The following BCAS3 variants were observed in gnomAD, a reference collection of about 807,000 sequenced individuals.
BCAS3 encodes the protein BCAS3 microtubule associated cell migration factor.
BCAS3 carries 53 observed loss-of-function variants against 116.1 expected under a neutral mutation model. The ratio of observed to expected loss-of-function variants is 0.46; its 90% CI spans 0.37 to 0.57. BCAS3 has a LOEUF of 0.57. BCAS3 is among the 20% of genes least tolerant of loss of function. BCAS3 has a pLI of 0.00. For missense variants in BCAS3, 917 were observed against 1,165.4 expected (o/e 0.79, Z 3.10); for synonymous variants, 391 against 408.2 (o/e 0.96, Z 0.51).
intron 22 of BCAS3, among the ~76,000 whole-genome samples, chr17:61,112,951 C>G (rs914556414): frequency 2.8e-5 from 4 of 141,580 alleles, no homozygotes; most frequent in African/African-American, 1.0e-4. Flanking sequence ...AACCGCTCAA[C>G]TACATGGAAA....
intron 20 of BCAS3, among the ~76,000 whole-genome samples, chr17:61,078,032 T>A (rs1342791394): frequency 6.6e-6 from 1 of 152,186 alleles, no homozygotes; most frequent in Non-Finnish European, 1.5e-5. Flanking sequence ...CAACTGGTCC[T>A]TTTACTTTCA....
rs984818174 is a variant in BCAS3, at chr17:60,933,966, C to T, written c.1087+9466C>T. Among the ~76,000 whole-genome samples, 18 of 152,086 alleles carry T rather than the reference C, an allele frequency of 1.2e-4. 1 individual carries two copies. The highest frequency in any genetic ancestry group is 4.3e-4 in the African/African-American group (18 of 41,418). On this transcript the variant is annotated intron_variant, in intron 13 of 23. Coordinates refer to ENST00000407086, the MANE Select transcript of BCAS3 (RefSeq NM_017679.5). ...GGATTTACTCTCTGAAGAATTAGTT[C>T]TGTTTGCTCTCTGTTCATTGTGGCA...
chr17:60,781,877 C>T (rs1719453685), intron 6 of BCAS3, among the ~76,000 whole-genome samples: 3 of 151,942 alleles, frequency 2.0e-5, no homozygotes, highest in Admixed American at 1.3e-4. Flanking sequence ...GGAGACTTAC[C>T]AAGCTTTCTG....
At chr17:61,094,091 G>A (rs571487598) in intron 22 of BCAS3, among the ~76,000 whole-genome samples, 5 of 152,316 alleles carry the variant, frequency 3.3e-5, no homozygotes, top group Non-Finnish European at 5.9e-5. Context: ...CTGGTGGCCT[G>A]TTATCATAGT....
chr17:61,074,922 G>T lies in BCAS3; in HGVS notation c.2032G>T (p.Val678Phe), dbSNP rs2071814453. The T allele has an allele frequency of 6.2e-7, 1 of 1,608,418 alleles. No individual in the cohort carries two copies. The highest frequency in any genetic ancestry group is 1.3e-5 in the African/African-American group (1 of 74,870). The change falls in exon 20 of 24, where the codon GTT becomes TTT. Residue 678 changes from valine to phenylalanine, a missense_variant and splice_region_variant. Coordinates refer to ENST00000407086, the MANE Select transcript of BCAS3 (RefSeq NM_017679.5). ...QYYQFLLAGLVPPGSPGPITR... is the reference protein window; with the variant it reads ...QYYQFLLAGLFPPGSPGPITR... ...AATCTATTTTCTTTCTCCTATAGTG[G>T]TTCCCCCTGGAAGTCCTGGGCCCAT...
chr17:60,966,070 ATTG>A (rs796427680), intron 14 of BCAS3, among the ~76,000 whole-genome samples: 6 of 152,222 alleles, frequency 3.9e-5, no homozygotes, highest in African/African-American at 1.4e-4. Context: ...CCCCTTTATC[ATTG>A]TATAGTGTCC....
rs375874804 is a variant in BCAS3 at position 61,088,107 on chromosome 17, G to A, written c.2425+3543G>A. On this transcript the variant is annotated intron_variant, in intron 22 of 23. Transcript: ENST00000407086. This position sits in a 1 kb window ranked among gnomAD's most constrained non-coding sequence, Gnocchi z 4.2. ...TGAGGCACAAGAATTGCTTGAACCC[G>A]GGAGGCAGAGGTTGCAGTGAGCTGA... 4.6e-5 allele frequency among the ~76,000 whole-genome samples: 7 copies of A among 152,118 alleles called. No individual in the cohort carries two copies. Among genetic ancestry groups the A allele is most frequent in the South Asian group, 2.1e-4 (1 of 4,830 alleles).
At chr17:60,767,699 G>T (rs1326684740) in intron 6 of BCAS3, among the ~76,000 whole-genome samples, 1 of 151,978 alleles carries the variant, frequency 6.6e-6, no homozygotes, top group Admixed American at 6.6e-5. Context: ...TTTTCCTTTG[G>T]AGCTTTCTTA....
intron 22 of BCAS3, among the ~76,000 whole-genome samples, chr17:61,238,413 G>C (rs2083234954): frequency 1.3e-5 from 2 of 151,838 alleles, no homozygotes; most frequent in South Asian, 4.2e-4. Flanking sequence ...AGTAGAGATG[G>C]GGTTTCACCA....
chr17:61,081,544 T>C (rs1186438027), intron 21 of BCAS3, among the ~76,000 whole-genome samples: 2 of 152,248 alleles, frequency 1.3e-5, no homozygotes, highest in Non-Finnish European at 1.5e-5. Flanking sequence ...AGGACACATA[T>C]AACCTTTAGA....
chr17:61,299,399 C>A (rs748604213), intron 22 of BCAS3, among the ~76,000 whole-genome samples: 68 of 132,226 alleles, frequency 5.1e-4, no homozygotes, highest in Non-Finnish European at 8.1e-4. Flanking sequence ...GCTGAGGTTG[C>A]ACCATTGCAC....
At position 60,874,651 on chromosome 17, in the gene BCAS3, T is replaced by C. The variant is rs776860229; in HGVS notation, c.585-11T>C. On this transcript the variant is annotated splice_polypyrimidine_tract_variant and intron_variant, in intron 8 of 23. Coordinates refer to ENST00000407086, the MANE Select transcript of BCAS3 (RefSeq NM_017679.5). ...TTTTTCTTTCTGTTTTTTTTCTCTC[T>C]CTAATTTTAGGATCCTTGTCGTAGT... 6.3e-7 allele frequency: 1 copy of C among 1,589,936 alleles called. No homozygotes were observed. Among genetic ancestry groups the C allele is most frequent in the Non-Finnish European group, 8.6e-7 (1 of 1,161,298 alleles).
chr17:60,836,051 A>G (rs979267408), intron 7 of BCAS3, among the ~76,000 whole-genome samples: 13 of 152,140 alleles, frequency 8.5e-5, no homozygotes, highest in African/African-American at 3.1e-4. Flanking sequence ...TTAGGGTCAC[A>G]GCAAAATTGA....
intron 13 of BCAS3, among the ~76,000 whole-genome samples, chr17:60,939,335 A>G (rs1459204921): frequency 1.3e-5 from 2 of 152,166 alleles, no homozygotes; most frequent in Non-Finnish European, 2.9e-5. Flanking sequence ...CAGGAGGCTG[A>G]GACAGGAGAA....
rs1460831808 is a variant in BCAS3, at chr17:61,333,515, C to A, written c.2426-34812C>A. On this transcript the variant is annotated intron_variant, in intron 22 of 23. Transcript: ENST00000407086. The surrounding 1 kb of genome is among the most constrained non-coding windows in gnomAD (Gnocchi z 4.8). Reference sequence around the variant, plus strand: ...CCGACCCTTGCCAATCCCGTGCAAACCACGCAATGTCTGCCAGCGCTCACT... The same window carrying A: ...CCGACCCTTGCCAATCCCGTGCAAAACACGCAATGTCTGCCAGCGCTCACT... Among the ~76,000 whole-genome samples, 5 of 152,212 alleles carry A rather than the reference C, an allele frequency of 3.3e-5. No individual in the cohort carries two copies. Among genetic ancestry groups the A allele is most frequent in the Non-Finnish European group, 7.3e-5 (5 of 68,028 alleles).
intron 10 of BCAS3, among the ~76,000 whole-genome samples, chr17:60,896,002 A>G (rs556707325): frequency 3.9e-5 from 6 of 152,338 alleles, no homozygotes; most frequent in Admixed American, 6.5e-5. Flanking sequence ...AGAATGCTCT[A>G]TAAGAGTCTA....
At position 61,226,030 on chromosome 17, in the gene BCAS3, A is replaced by G. The variant is rs1353323683; in HGVS notation, c.2425+141466A>G. On this transcript the variant is annotated intron_variant, in intron 22 of 23. Coordinates refer to ENST00000407086, the MANE Select transcript of BCAS3 (RefSeq NM_017679.5). This position sits in a 1 kb window ranked among gnomAD's most constrained non-coding sequence, Gnocchi z 6.0. ...TTTCCCCTGTCATCTGCTAATTCCA[A>G]TTTGATACTGTTCTGTGTTCAAAAA... 1.3e-5 allele frequency among the ~76,000 whole-genome samples: 2 copies of G among 152,158 alleles called. No homozygotes were observed. Among genetic ancestry groups the G allele is most frequent in the East Asian group, 3.9e-4 (2 of 5,192 alleles).
chr17:60,914,943 G>GA (rs2058703030), intron 12 of BCAS3, among the ~76,000 whole-genome samples: 1 of 151,926 alleles, frequency 6.6e-6, no homozygotes, highest in Non-Finnish European at 1.5e-5. Context: ...CTGTGCAGGG[G>GA]GTCAGCACTT....
At chr17:60,939,477 A>G (rs1300852165) in intron 13 of BCAS3, among the ~76,000 whole-genome samples, 3 of 152,204 alleles carry the variant, frequency 2.0e-5, no homozygotes, top group Non-Finnish European at 4.4e-5. Flanking sequence ...CGGAATGGAT[A>G]TATAAATTGT....
Sources: allele counts gnomAD v4.1 joint callset (sites outside exome capture counted in the v4.1 genomes callset), GRCh38; gene constraint gnomAD v4.1.1; non-coding constraint Gnocchi (gnomAD v3.1); transcripts MANE v1.5; gene names NCBI Gene and HGNC (gene_info 2026-07-23, HGNC 2026-07-21).